Variants in SNX29 observed in about 807,000 individuals in gnomAD.
SNX29 encodes sorting nexin-29.
SNX29 carries 78 observed loss-of-function variants against 102.1 expected under a neutral mutation model. The observed-to-expected ratio is 0.76, with a 90% CI of 0.64 to 0.92. The LOEUF (loss-of-function observed/expected upper bound fraction) is 0.92. SNX29 is among the 40% of genes least tolerant of loss of function. The pLI, the probability that SNX29 is intolerant of heterozygous loss-of-function variation, is 0.00. For synonymous variants in SNX29, 580 were observed against 414.5 expected, an observed-to-expected ratio of 1.40 and a Z score of -4.85; for missense variants, 1,280 against 1,061.7, an observed-to-expected ratio of 1.21 and a Z score of -2.86.
At chr16:12,134,908 C>G (rs2054604920) in intron 13 of SNX29, among the ~76,000 whole-genome samples, 1 of 152,136 alleles carries the variant, frequency 6.6e-6, no homozygotes, top group African/African-American at 2.4e-5. Context: ...ATTATGGGGG[C>G]CAAGAAGTCT....
chr16:12,268,151 C>A (rs2078986273), intron 14 of SNX29, among the ~76,000 whole-genome samples: 1 of 152,214 alleles, frequency 6.6e-6, no homozygotes, highest in African/African-American at 2.4e-5. Flanking sequence ...TTGCAACCAT[C>A]ATTTTCTCAC....
chr16:12,366,448 G>A (rs911965913), intron 16 of SNX29, among the ~76,000 whole-genome samples: 2 of 152,184 alleles, frequency 1.3e-5, no homozygotes, highest in African/African-American at 4.8e-5. Context: ...AGCTAGCAGG[G>A]AGCTCATCAG....
At chr16:12,370,277 G>C (rs1252059206) in intron 16 of SNX29, among the ~76,000 whole-genome samples, 2 of 151,670 alleles carry the variant, frequency 1.3e-5, no homozygotes, top group African/African-American at 2.4e-5. Flanking sequence ...AAAAATAAAG[G>C]TGGCTGGGTG....
intron 14 of SNX29, among the ~76,000 whole-genome samples, chr16:12,201,774 G>A (rs2076920729): frequency 6.6e-6 from 1 of 152,160 alleles, no homozygotes; most frequent in African/African-American, 2.4e-5. Flanking sequence ...TACTTACACA[G>A]AACTTGGATT....
chr16:12,077,391 G>T (rs934922424), intron 10 of SNX29, among the ~76,000 whole-genome samples: 2 of 98,524 alleles, frequency 2.0e-5, no homozygotes, highest in Admixed American at 2.4e-4. Flanking sequence ...GTCATGGTGT[G>T]TGTGTGTGTG....
At chr16:12,341,798 G>A (rs2081618135) in intron 15 of SNX29, among the ~76,000 whole-genome samples, 2 of 152,192 alleles carry the variant, frequency 1.3e-5, no homozygotes, top group Non-Finnish European at 2.9e-5. Context: ...TTGTGCAGAG[G>A]GGGCTGGGAA....
In SNX29 at chr16:12,573,912, C is replaced by A. The variant is rs114844137; in HGVS notation, c.*5283C>A. 3.0e-3 allele frequency: 620 copies of A among 203,820 alleles called. 3 individuals are homozygous for A. The highest frequency in any genetic ancestry group is 0.012 in the African/African-American group (544 of 43,776). The allele number at this position is 203,820 out of a possible 1,614,324, so 12.6% of individuals were successfully genotyped here. A position where few individuals can be genotyped will look rare whatever the true frequency, so the allele number is the denominator to read the frequency against. On this transcript the variant is annotated 3_prime_UTR_variant, in exon 21 of 21. Transcript: ENST00000566228. ...TCAGGTAGAACGCTTACTCACCTGA[C>A]ACCGACTTCTTAGAGAAGCGAGTCT...
intron 14 of SNX29, among the ~76,000 whole-genome samples, chr16:12,267,967 C>T (rs2078977749): frequency 1.3e-5 from 2 of 152,292 alleles, no homozygotes; most frequent in African/African-American, 4.8e-5. Context: ...CCACATGGGG[C>T]CTCCTCACTG....
intron 20 of SNX29, among the ~76,000 whole-genome samples, chr16:12,537,137 C>G (rs1010663543): frequency 1.3e-5 from 2 of 152,182 alleles, no homozygotes; most frequent in Non-Finnish European, 2.9e-5. Flanking sequence ...AAATGGATCT[C>G]AGAGGCTGGG....
chr16:12,243,686 C>T (rs2078178172), intron 14 of SNX29, among the ~76,000 whole-genome samples: 1 of 152,106 alleles, frequency 6.6e-6, no homozygotes, highest in South Asian at 2.1e-4. Context: ...GCTTCAGGTC[C>T]ATCCATTTAG....
intron 15 of SNX29, among the ~76,000 whole-genome samples, chr16:12,328,855 C>A (rs1567443503): frequency 6.6e-6 from 1 of 152,032 alleles, no homozygotes; most frequent in Non-Finnish European, 1.5e-5. Flanking sequence ...AGAATGCTGG[C>A]TGAAGGTATG....
At chr16:12,073,413 C>T (rs2151316128) in intron 10 of SNX29, among the ~76,000 whole-genome samples, 1 of 152,136 alleles carries the variant, frequency 6.6e-6, no homozygotes, top group East Asian at 1.9e-4. Flanking sequence ...TTATTTCTGC[C>T]TTCATTTCGT....
chr16:12,228,029 A>G (rs1223760953), intron 14 of SNX29, among the ~76,000 whole-genome samples: 1 of 151,754 alleles, frequency 6.6e-6, no homozygotes, highest in South Asian at 2.1e-4. Flanking sequence ...TAATCTCAGC[A>G]CTTCCAGAGA....
intron 18 of SNX29, among the ~76,000 whole-genome samples, chr16:12,456,135 A>G (rs2086529085): frequency 6.6e-6 from 1 of 152,224 alleles, no homozygotes; most frequent in Admixed American, 6.5e-5. Context: ...GTACTAGGGC[A>G]TAGTGAATAA....
chr16:12,571,553 C>G lies in SNX29; in HGVS notation c.*2924C>G, dbSNP rs2079188069. On this transcript the variant is annotated 3_prime_UTR_variant, in exon 21 of 21. Transcript: ENST00000566228. ...ACCACCCTTTGCTGGGAGGAAGAAT[C>G]CACACCGAATCCTTCTGTCTTCATG... is the stretch of plus-strand genomic sequence containing the variant. The G allele has an allele frequency of 1.0e-6, 1 of 975,676 alleles. No homozygotes were observed. The highest frequency in any genetic ancestry group is 1.7e-5 in the African/African-American group (1 of 59,110). The allele number at this position is 975,676 out of a possible 1,614,324, so 60.4% of individuals were successfully genotyped here. A position where few individuals can be genotyped will look rare whatever the true frequency, so the allele number is the denominator to read the frequency against.
chr16:12,405,379 G>A (rs1219315254), intron 18 of SNX29, among the ~76,000 whole-genome samples: 3 of 152,102 alleles, frequency 2.0e-5, no homozygotes, highest in Non-Finnish European at 4.4e-5. Context: ...CACTGTGGCA[G>A]TGAAGCCACT....
At chr16:11,999,220 T>G (rs1450022116) in intron 1 of SNX29, 77 bp from the exon 2 acceptor site, 1 of 1,337,336 alleles carries the variant, frequency 7.5e-7, no homozygotes, top group African/African-American at 1.5e-5. Context: ...TAAAGATCAG[T>G]AGGAAAGGAC....
At chr16:12,520,897 C>G (rs116612875) in intron 19 of SNX29, among the ~76,000 whole-genome samples, 1 of 152,148 alleles carries the variant, frequency 6.6e-6, no homozygotes, top group Non-Finnish European at 1.5e-5. Context: ...TCAGAATTCA[C>G]CACTAAAGAA....
At chr16:12,043,428 C>A (rs1289733869) in intron 5 of SNX29, among the ~76,000 whole-genome samples, 1 of 151,004 alleles carries the variant, frequency 6.6e-6, no homozygotes, top group Non-Finnish European at 1.5e-5. Context: ...GAACATGGGT[C>A]TTTGCAGCCT....
Sources: gnomAD v4.1 joint callset for allele counts (sites outside exome capture counted in the v4.1 genomes callset) on GRCh38, gnomAD v4.1.1 for gene constraint, MANE v1.5 for transcripts, NCBI Gene and HGNC (gene_info 2026-07-23, HGNC 2026-07-21) for gene names.